PLCE1: variants seen among roughly 807,000 people sequenced by gnomAD.
PLCE1 encodes the protein phospholipase C epsilon 1, also known as 1-phosphatidylinositol 4,5-bisphosphate phosphodiesterase epsilon-1.
PLCE1 carries 119 observed loss-of-function variants against 242.8 expected under a neutral mutation model. The ratio of observed to expected loss-of-function variants is 0.49; its 90% CI spans 0.42 to 0.57. The LOEUF is 0.57. Among genes scored for constraint, PLCE1 ranks in the 20% least tolerant of loss-of-function variants. The pLI is 0.00. For missense variants in PLCE1, 2,441 were observed against 2,788.8 expected (o/e 0.88, Z 2.81); for synonymous variants, 945 against 1,017.4 (o/e 0.93, Z 1.35).
chr10:94,062,133 AT>A (rs1391010806), intron 2 of PLCE1, among the ~76,000 whole-genome samples: 1 of 152,234 alleles, frequency 6.6e-6, no homozygotes, highest in Non-Finnish European at 1.5e-5. Flanking sequence ...AGCTACTATT[AT>A]TTTGATAGGT....
intron 2 of PLCE1, among the ~76,000 whole-genome samples, chr10:94,078,669 A>C (rs112083693): frequency 5.3e-5 from 8 of 152,096 alleles, no homozygotes; most frequent in African/African-American, 1.9e-4. Flanking sequence ...TATTTTTAGC[A>C]GAGACGAGTT....
Position 94,012,850 on chromosome 10 carries a change from C to A in PLCE1, c.-364-17833C>A, listed in dbSNP as rs139681464. Among the ~76,000 whole-genome samples, 177 of 152,300 alleles carry A rather than the reference C, an allele frequency of 1.2e-3. 1 individual carries two copies. The East Asian group carries it at 0.026, about 22-fold the overall frequency. ...CCTTGGCCACTCACTCTTCCCCAACCCCTCTTTCCTCTATCCTTTATATTT... is the reference window on the plus strand; with the variant it reads ...CCTTGGCCACTCACTCTTCCCCAACACCTCTTTCCTCTATCCTTTATATTT... On this transcript the variant is annotated intron_variant, in intron 1 of 32. Coordinates refer to ENST00000371380, the MANE Select transcript of PLCE1 (RefSeq NM_016341.4).
intron 20 of PLCE1, among the ~76,000 whole-genome samples, chr10:94,280,810 C>T (rs192687022): frequency 6.6e-6 from 1 of 152,308 alleles, no homozygotes; most frequent in Admixed American, 6.5e-5. Context: ...GCCCCCTCCT[C>T]CAAATATCTG....
chr10:94,266,840 G>A (rs2051535609), intron 16 of PLCE1, among the ~76,000 whole-genome samples: 1 of 152,134 alleles, frequency 6.6e-6, no homozygotes, highest in Non-Finnish European at 1.5e-5. Context: ...TTGCTTAGCG[G>A]GAATATGTAT....
chr10:94,207,685 T>G lies in PLCE1; in HGVS notation c.1810-19621T>G, dbSNP rs554968454. On this transcript the variant is annotated intron_variant, in intron 4 of 32. Transcript: ENST00000371380. ...TTCTTTACTAAAAAGAAACCAGGGC[T>G]TCTTGGAGAAAATGGCTGATGCCAT... Among the ~76,000 whole-genome samples, 12 of 152,272 alleles carry G rather than the reference T, an allele frequency of 7.9e-5. No homozygotes were observed. The South Asian group carries it at 2.5e-3, about 32-fold the overall frequency.
At chr10:94,238,995 G>A (rs575872288) in intron 7 of PLCE1, among the ~76,000 whole-genome samples, 4 of 152,260 alleles carry the variant, frequency 2.6e-5, no homozygotes, top group Middle Eastern at 3.4e-3. Flanking sequence ...TGTCACCTAG[G>A]TAGGTAGCTG....
intron 26 of PLCE1, among the ~76,000 whole-genome samples, chr10:94,308,295 T>C (rs954896710): frequency 6.6e-6 from 1 of 152,090 alleles, no homozygotes; most frequent in African/African-American, 2.4e-5. Context: ...TAGTGCTTCA[T>C]TCACAGGGAC....
At chr10:94,258,492 G>A (rs1404600862) in intron 11 of PLCE1, among the ~76,000 whole-genome samples, 1 of 152,130 alleles carries the variant, frequency 6.6e-6, no homozygotes, top group Non-Finnish European at 1.5e-5. Flanking sequence ...CAGAAACACT[G>A]AGTTATTTTG....
rs1010614618 is a variant in PLCE1, at chr10:94,332,521, G to C, written c.*4578G>C. The stretch of plus-strand genomic sequence containing the variant: ...TGTGTGTGCCTGTGTGTGTGTGTGT[G>C]TGTGTGTGTGTGTGTGTGTGTGTGT... On this transcript the variant is annotated 3_prime_UTR_variant, in exon 33 of 33. Transcript: ENST00000371380. 5 of 151,134 alleles carry C rather than the reference G, an allele frequency of 3.3e-5. No individual in the cohort carries two copies. Among genetic ancestry groups the C allele is most frequent in the Non-Finnish European group, 1.5e-5 (1 of 67,686 alleles). 9.4% of individuals were successfully genotyped at this position (151,134 alleles called of 1,614,324 possible). A position where few individuals can be genotyped will look rare whatever the true frequency, so the allele number is the denominator to read the frequency against.
At chr10:94,260,612 A>G (rs540076668) in intron 13 of PLCE1, among the ~76,000 whole-genome samples, 1 of 151,558 alleles carries the variant, frequency 6.6e-6, no homozygotes, top group African/African-American at 2.4e-5. Context: ...TTTTTGTTCT[A>G]TTATATTTTA....
chr10:94,103,145 G>A (rs962068048), intron 2 of PLCE1, among the ~76,000 whole-genome samples: 3 of 152,180 alleles, frequency 2.0e-5, no homozygotes, highest in African/African-American at 4.8e-5. Context: ...TTTATTAGGC[G>A]CTGACTGTCA....
At chr10:94,237,817 A>G (rs1234311971) in intron 7 of PLCE1, among the ~76,000 whole-genome samples, 1 of 152,146 alleles carries the variant, frequency 6.6e-6, no homozygotes, top group Non-Finnish European at 1.5e-5. Flanking sequence ...CCTGATTGAG[A>G]GCCCCATGTT....
At chr10:94,115,014 G>A (rs1440410693) in intron 2 of PLCE1, among the ~76,000 whole-genome samples, 3 of 151,586 alleles carry the variant, frequency 2.0e-5, no homozygotes, top group African/African-American at 4.9e-5. Context: ...GAGAACATGC[G>A]ATGTTTGGTT....
chr10:94,261,437 A>G (rs1279082654), intron 13 of PLCE1, among the ~76,000 whole-genome samples: 4 of 152,176 alleles, frequency 2.6e-5, no homozygotes, highest in Non-Finnish European at 5.9e-5. Context: ...AGTTTTAGCA[A>G]TTATGAATAA....
At chr10:94,288,239 C>T (rs1181714846) in intron 22 of PLCE1, among the ~76,000 whole-genome samples, 1 of 152,198 alleles carries the variant, frequency 6.6e-6, no homozygotes, top group African/African-American at 2.4e-5. Context: ...CTCCCACTCT[C>T]ATTCTGAGTC....
At chr10:94,262,134 G>A (rs2051323488) in intron 13 of PLCE1, among the ~76,000 whole-genome samples, 1 of 151,636 alleles carries the variant, frequency 6.6e-6, no homozygotes, top group African/African-American at 2.4e-5. Flanking sequence ...CCGAGTGGCT[G>A]GGACTACAGG....
intron 3 of PLCE1, among the ~76,000 whole-genome samples, chr10:94,134,471 G>A (rs2046704356): frequency 6.6e-6 from 1 of 152,162 alleles, no homozygotes; most frequent in South Asian, 2.1e-4. Context: ...TAAAAACCCA[G>A]ATGGGTTTCT....
chr10:94,135,231 T>C (rs916713274), intron 3 of PLCE1, among the ~76,000 whole-genome samples: 4 of 152,162 alleles, frequency 2.6e-5, no homozygotes, highest in African/African-American at 9.7e-5. Flanking sequence ...ATGTTGTACA[T>C]TACAAATATA....
chr10:94,203,695 G>A (rs1230656188), intron 4 of PLCE1, among the ~76,000 whole-genome samples: 1 of 152,172 alleles, frequency 6.6e-6, no homozygotes, highest in East Asian at 1.9e-4. Context: ...ATAAAAAGAG[G>A]TGAGAACATC....
Sources: allele counts gnomAD v4.1 joint callset (sites outside exome capture counted in the v4.1 genomes callset), GRCh38; gene constraint gnomAD v4.1.1; transcripts MANE v1.5; gene names NCBI Gene and HGNC (gene_info 2026-07-23, HGNC 2026-07-21).